Variants in CARMIL1 observed in about 807,000 individuals in gnomAD.
CARMIL1 encodes capping protein regulator and myosin 1 linker 1, also known as F-actin-uncapping protein LRRC16A.
Under a neutral mutation model 177.1 loss-of-function variants are expected in CARMIL1, and 90 were observed. The observed-to-expected ratio is 0.51, with a 90% CI of 0.43 to 0.61. The LOEUF (loss-of-function observed/expected upper bound fraction) is 0.61, where lower values mean the gene tolerates loss of function less well. Ranked by LOEUF, CARMIL1 falls within the 20% of genes least tolerant of loss-of-function variation. The pLI is 0.00. For missense variants in CARMIL1, 1,380 were observed against 1,667.0 expected, an observed-to-expected ratio of 0.83 and a Z score of 3.00; for synonymous variants, 577 against 606.2, an observed-to-expected ratio of 0.95 and a Z score of 0.71.
intron 9 of CARMIL1, among the ~76,000 whole-genome samples, chr6:25,469,003 G>A (rs1296065825): frequency 6.6e-6 from 1 of 152,134 alleles, no homozygotes; most frequent in Non-Finnish European, 1.5e-5. Context: ...TGACAACACA[G>A]AATAAGACCA....
intron 2 of CARMIL1, among the ~76,000 whole-genome samples, chr6:25,329,379 G>A (rs564779394): frequency 1.3e-5 from 2 of 152,316 alleles, no homozygotes; most frequent in African/African-American, 4.8e-5. Context: ...CTCATTGGCC[G>A]TGATGCCCAT....
At position 25,528,877 on chromosome 6, in the gene CARMIL1, C is replaced by T. The variant is rs41271817; in HGVS notation, c.2051C>T (p.Thr684Ile). The change falls in exon 24 of 37, where the codon ACC (threonine) becomes ATC (isoleucine). Residue 684 changes from threonine to isoleucine, a missense_variant. Transcript: ENST00000329474. ...TACCGCCTGCAGCAGGGTATTGTCACCAGCACCACCCAGCAGGTAAGCGAG... is the reference window on the plus strand; with the variant it reads ...TACCGCCTGCAGCAGGGTATTGTCATCAGCACCACCCAGCAGGTAAGCGAG... ...QAYRLQQGIV[T>I]STTQQMIDRI... The T allele has an allele frequency of 8.8e-5, 142 of 1,607,840 alleles. No individual in the cohort carries two copies. Among genetic ancestry groups the T allele is most frequent in the Admixed American group, 3.7e-4 (22 of 59,334 alleles).
In CARMIL1 at chr6:25,493,781, A is replaced by G. The variant is rs373516678; in HGVS notation, c.1221-1330A>G. Among the ~76,000 whole-genome samples, 5 of 152,334 alleles carry G rather than the reference A, an allele frequency of 3.3e-5. No individual in the cohort carries two copies. In the South Asian group the frequency reaches 1.0e-3, roughly 32 times the overall value. ...ATTTGGAAACACTGGAATGCTCAAA[A>G]CTAAGACAGAATAGCAGGAGAAGAA... On this transcript the variant is annotated intron_variant, in intron 15 of 36. Coordinates refer to ENST00000329474, the MANE Select transcript of CARMIL1 (RefSeq NM_017640.6).
At chr6:25,533,728 GT>G (rs750215985) in intron 24 of CARMIL1, among the ~76,000 whole-genome samples, 1 of 151,806 alleles carries the variant, frequency 6.6e-6, no homozygotes, top group Non-Finnish European at 1.5e-5. Flanking sequence ...TCAAAGCTTT[GT>G]ATTTAGTGTT....
rs1365494342 is a variant in CARMIL1, at chr6:25,460,862, GA to G, written c.615-5008del. 2.0e-5 allele frequency among the ~76,000 whole-genome samples: 3 copies of G among 152,266 alleles called. No homozygotes were observed. The East Asian group carries it at 5.8e-4, about 29-fold the overall frequency. On this transcript the variant is annotated intron_variant, in intron 8 of 36. Coordinates refer to ENST00000329474, the MANE Select transcript of CARMIL1 (RefSeq NM_017640.6). ...AAGTATGCAGATGTGTACTAGGATG[GA>G]AATCATTGTAAATTTAACCACTTAT...
intron 24 of CARMIL1, among the ~76,000 whole-genome samples, chr6:25,532,611 A>C (rs1442166698): frequency 2.6e-5 from 4 of 152,218 alleles, no homozygotes; most frequent in Admixed American, 2.6e-4. Context: ...CATCATTCTC[A>C]GTCATCATTC....
intron 8 of CARMIL1, chr6:25,452,552 TATTA>T (rs1458395361): frequency 1.5e-5 from 3 of 200,016 alleles, no homozygotes; most frequent in African/African-American, 7.0e-5. Context: ...TTGAAATATT[TATTA>T]ATTAAAAAGT....
intron 34 of CARMIL1, among the ~76,000 whole-genome samples, chr6:25,605,318 A>G (rs891873937): frequency 4.6e-5 from 7 of 152,200 alleles, no homozygotes; most frequent in South Asian, 2.1e-4. Context: ...TTGAATATGC[A>G]TGAAATCCAA....
In CARMIL1 at chr6:25,598,641, C is replaced by T. The variant is rs111685648; in HGVS notation, c.3120-1673C>T. 1.1e-4 allele frequency among the ~76,000 whole-genome samples: 16 copies of T among 152,090 alleles called. 2 individuals carry two copies. The highest frequency in any genetic ancestry group is 5.9e-4 in the Admixed American group (9 of 15,288). ...TCCCTTTGTTTTTCTGGGAGATTTC[C>T]TCAGTTGTATCTTCCAACCTTGAGT... On this transcript the variant is annotated intron_variant, in intron 32 of 36. Transcript: ENST00000329474.
chr6:25,392,062 G>T lies in CARMIL1; in HGVS notation c.139-28052G>T, dbSNP rs759670675. 5.4e-3 allele frequency among the ~76,000 whole-genome samples: 236 copies of T among 43,558 alleles called. 3 individuals carry two copies. Among genetic ancestry groups the T allele is most frequent in the Non-Finnish European group, 2.9e-3 (66 of 22,972 alleles). 28.6% of individuals were successfully genotyped at this position (43,558 alleles called of 152,430 possible). A position where few individuals can be genotyped will look rare whatever the true frequency, so the allele number is the denominator to read the frequency against. On this transcript the variant is annotated intron_variant, in intron 2 of 36. Transcript: ENST00000329474. ...CATGTGTGTGTATATGCATGTGTGT[G>T]TGTGTGTGTGTGTGTGTGTGTGTGT...
In CARMIL1 at chr6:25,304,332, A is replaced by G. The variant is rs188123027; in HGVS notation, c.138+19423A>G. ...CTTGCAGCTGGGTAAGTTCAAGTAT[A>G]GATTGCTTGCCCTCTTAACTAGGAT... On this transcript the variant is annotated intron_variant, in intron 2 of 36. Transcript: ENST00000329474. Among the ~76,000 whole-genome samples the G allele has an allele frequency of 1.0e-3, 152 of 152,324 alleles. 2 individuals are homozygous for G. In the South Asian group the frequency reaches 0.024, roughly 24 times the overall value.
rs1375938137 is a variant in CARMIL1 at position 25,448,166 on chromosome 6, C to T, written c.372-1732C>T. On this transcript the variant is annotated intron_variant, in intron 5 of 36. Transcript: ENST00000329474. ...TCTCAATTTTGTAGAAAATTGAGAG[C>T]AAATACCTACACAGGCAGATATTTG... is the stretch of plus-strand genomic sequence containing the variant. Among the ~76,000 whole-genome samples, 5 of 152,102 alleles carry T rather than the reference C, an allele frequency of 3.3e-5. No individual in the cohort carries two copies. The East Asian group carries it at 9.6e-4, about 29-fold the overall frequency.
chr6:25,476,217 C>G (rs1218041987), intron 11 of CARMIL1, among the ~76,000 whole-genome samples: 1 of 152,100 alleles, frequency 6.6e-6, no homozygotes, highest in Admixed American at 6.5e-5. Context: ...TACTTTTTCC[C>G]TCTGCTTTCC....
chr6:25,454,756 A>G (rs1461470097), intron 8 of CARMIL1, among the ~76,000 whole-genome samples: 1 of 152,216 alleles, frequency 6.6e-6, no homozygotes, highest in East Asian at 1.9e-4. Flanking sequence ...TTGCTAATTG[A>G]ATTACAACAA....
At chr6:25,499,096 C>T (rs564617378) in intron 16 of CARMIL1, among the ~76,000 whole-genome samples, 1 of 152,236 alleles carries the variant, frequency 6.6e-6, no homozygotes, top group Non-Finnish European at 1.5e-5. Context: ...TAGATAAAGC[C>T]AGAGAATCAC....
At chr6:25,459,445 A>T (rs531076846) in intron 8 of CARMIL1, among the ~76,000 whole-genome samples, 2 of 150,828 alleles carry the variant, frequency 1.3e-5, no homozygotes, top group African/African-American at 4.9e-5. Context: ...TAAAGATGGG[A>T]TTTCACCATG....
Position 25,593,740 on chromosome 6 carries a change from C to T in CARMIL1, c.3007-675C>T, listed in dbSNP as rs141547685. 2.8e-3 allele frequency among the ~76,000 whole-genome samples: 423 copies of T among 152,248 alleles called. 12 individuals carry two copies. Among genetic ancestry groups the T allele is most frequent in the Admixed American group, 0.025 (379 of 15,284 alleles). ...TTCTGCAGCTCAGACATCACATATG[C>T]CTCACATAACTGCAGAAAAACACAT... On this transcript the variant is annotated intron_variant, in intron 31 of 36. Transcript: ENST00000329474.
chr6:25,514,304 T>G (rs301388), intron 20 of CARMIL1, among the ~76,000 whole-genome samples: 33,390 of 151,970 alleles, frequency 0.22, 4,215 homozygotes, highest in African/African-American at 0.34. Flanking sequence ...CCTAGCACTT[T>G]GGGAGACTGA....
rs577239039 is a variant in CARMIL1 at position 25,484,115 on chromosome 6, T to C, written c.961+1772T>C. Among the ~76,000 whole-genome samples, 124 of 152,324 alleles carry C rather than the reference T, an allele frequency of 8.1e-4. 1 individual carries two copies. The highest frequency in any genetic ancestry group is 3.0e-3 in the African/African-American group (123 of 41,580). ...CAGACAACCCCCTCTCACCACACCC[T>C]GTATGACTAGATGCTCCTTTCTCTG... On this transcript the variant is annotated intron_variant, in intron 12 of 36. Coordinates refer to ENST00000329474, the MANE Select transcript of CARMIL1 (RefSeq NM_017640.6).
Sources: gnomAD v4.1 joint callset for allele counts (sites outside exome capture counted in the v4.1 genomes callset) on GRCh38, gnomAD v4.1.1 for gene constraint, MANE v1.5 for transcripts, NCBI Gene and HGNC (gene_info 2026-07-23, HGNC 2026-07-21) for gene names.